Variants in NLRC5 observed in about 807,000 individuals in gnomAD.
NLRC5 encodes NLR family CARD domain containing 5, also known as protein NLRC5.
A neutral mutation model predicts 206.9 loss-of-function variants in NLRC5; 114 were observed. The observed-to-expected ratio is 0.55, with a 90% CI of 0.47 to 0.64. The LOEUF (loss-of-function observed/expected upper bound fraction) is 0.64. NLRC5 is among the 30% of genes least tolerant of loss of function. The probability of loss-of-function intolerance (pLI) is 0.00; values close to 1 mark genes in which losing one functional copy is unlikely to be tolerated. For missense variants in NLRC5, 2,008 were observed against 2,305.5 expected (o/e 0.87, Z 2.64); for synonymous variants, 952 against 962.8 (o/e 0.99, Z 0.21).
chr16:57,000,151 C>T (rs1327189938), intron 1 of NLRC5, among the ~76,000 whole-genome samples: 2 of 152,184 alleles, frequency 1.3e-5, no homozygotes, highest in Non-Finnish European at 2.9e-5. Context: ...TCCTAGCAGC[C>T]TTGCTAGCCA....
chr16:57,061,583 C>T, intron 31 of NLRC5, 35 bp from the exon 32 acceptor site: 1 of 1,608,954 alleles, frequency 6.2e-7, no homozygotes, highest in South Asian at 1.1e-5. Flanking sequence ...GGGCACCCTG[C>T]CAGAGCCACC....
At position 57,082,556 on chromosome 16, in the gene NLRC5, G is replaced by C. The variant is rs773640140; in HGVS notation, c.*28G>C. On this transcript the variant is annotated 3_prime_UTR_variant, in exon 49 of 49. Transcript: ENST00000688547. ...GCCCCCTCAAGACCTTTGGAATCCA[G>C]CCAAGTGATGCACCCAAATGATCCA... 3.4e-6 allele frequency: 5 copies of C among 1,490,826 alleles called. No homozygotes were observed. In the South Asian group the frequency reaches 4.6e-5, roughly 14 times the overall value. 92.3% of individuals were successfully genotyped at this position (1,490,826 alleles called of 1,614,324 possible). A position where few individuals can be genotyped will look rare whatever the true frequency, so the allele number is the denominator to read the frequency against.
chr16:57,018,876 T>C (rs1384136115), intron 2 of NLRC5, among the ~76,000 whole-genome samples: 1 of 152,194 alleles, frequency 6.6e-6, no homozygotes, highest in African/African-American at 2.4e-5. Flanking sequence ...AGTTGGCCAA[T>C]CCCCAACTGT....
intron 1 of NLRC5, among the ~76,000 whole-genome samples, chr16:56,993,502 G>T (rs1171908133): frequency 6.6e-6 from 1 of 152,140 alleles, no homozygotes; most frequent in South Asian, 2.1e-4. Context: ...GATTTGCAAG[G>T]TCAAGGGGAA....
intron 22 of NLRC5, 50 bp downstream of exon 22, chr16:57,046,691 C>G: frequency 6.8e-7 from 1 of 1,475,816 alleles, no homozygotes; most frequent in Non-Finnish European, 9.4e-7. Flanking sequence ...AGGGATGAGG[C>G]GTCAGAGGGG....
Position 57,020,989 on chromosome 16 carries a change from A to G in NLRC5, c.277A>G (p.Thr93Ala), listed in dbSNP as rs770750307. Residue 93 changes from threonine to alanine, a missense_variant, in exon 3 of 49, where the codon ACT becomes GCT. Coordinates refer to ENST00000688547, the MANE Select transcript of NLRC5 (RefSeq NM_001384950.1). ...GGACCTGGAGGTGCTGCTGCTGAGT[A>G]CTTTTGGCTATGATGATGGTAAGGG... ...PLDLEVLLLS[T>A]FGYDDGFTSQ... The G allele has an allele frequency of 1.2e-6, 2 of 1,613,590 alleles. No individual in the cohort carries two copies. The highest frequency in any genetic ancestry group is 2.2e-5 in the South Asian group (2 of 91,070).
Position 57,058,061 on chromosome 16 carries a change from A to G in NLRC5, c.3747-4A>G, listed in dbSNP as rs1206056053. Reference sequence around the variant, plus strand: ...TCCCCGCCACTGCTCCTTACCCCCTACAGTCTCTCAGCAAACCTGCTGGGC... The same window carrying G: ...TCCCCGCCACTGCTCCTTACCCCCTGCAGTCTCTCAGCAAACCTGCTGGGC... On this transcript the variant is annotated splice_polypyrimidine_tract_variant and splice_region_variant and intron_variant, in intron 27 of 48. Coordinates refer to ENST00000688547, the MANE Select transcript of NLRC5 (RefSeq NM_001384950.1). The G allele has an allele frequency of 1.9e-6, 3 of 1,610,970 alleles. No homozygotes were observed. Among genetic ancestry groups the G allele is most frequent in the South Asian group, 1.1e-5 (1 of 90,474 alleles).
rs186070226 is a variant in NLRC5, at chr16:57,053,899, G to A, written c.3507-852G>A. On this transcript the variant is annotated intron_variant, in intron 24 of 48. Coordinates refer to ENST00000688547, the MANE Select transcript of NLRC5 (RefSeq NM_001384950.1). ...TGGATTGGGAGATACGAGTGGAAAT[G>A]AGAGTGGGAAGAGATGTGTGCAGCA... Among the ~76,000 whole-genome samples the A allele has an allele frequency of 1.1e-4, 16 of 152,294 alleles. No homozygotes were observed. In the East Asian group the frequency reaches 3.1e-3, roughly 29 times the overall value.
At chr16:56,989,953 ACT>A (rs1453657389) in intron 1 of NLRC5, among the ~76,000 whole-genome samples, 1 of 152,048 alleles carries the variant, frequency 6.6e-6, no homozygotes, top group Non-Finnish European at 1.5e-5. Context: ...GGATCCACCC[ACT>A]CTCTCTGTCT....
At chr16:57,064,969 C>A (rs1352591588) in intron 32 of NLRC5, among the ~76,000 whole-genome samples, 3 of 151,998 alleles carry the variant, frequency 2.0e-5, no homozygotes, top group Admixed American at 1.3e-4. Flanking sequence ...ATAAAAATAT[C>A]ATTTAAAAAA....
chr16:57,067,266 G>C (rs1782156367), intron 34 of NLRC5, 121 bp from the exon 35 acceptor site: 1 of 807,974 alleles, frequency 1.2e-6, no homozygotes, highest in Middle Eastern at 2.3e-4. Context: ...ATAGCAAACT[G>C]TAGGACTTCA....
rs763391450 is a variant in NLRC5 at position 57,082,442 on chromosome 16, G to A, written c.5515G>A (p.Asp1839Asn). Residue 1839 changes from aspartate to asparagine, a missense_variant, in exon 49 of 49, where the codon GAC becomes AAC. By Grantham distance (23) the Asp-to-Asn change is conservative. Transcript: ENST00000688547. ...CCTCTGGAATAACCCCATTCCCTGCGACATGGCCCAGCACCTGAAGAGCCA... is the reference window on the plus strand; with the variant it reads ...CCTCTGGAATAACCCCATTCCCTGCAACATGGCCCAGCACCTGAAGAGCCA... ...IRLWNNPIPC[D>N]MAQHLKSQEP... 48 of 1,613,252 alleles carry A rather than the reference G, an allele frequency of 3.0e-5. No homozygotes were observed. The highest frequency in any genetic ancestry group is 3.6e-5 in the Non-Finnish European group (43 of 1,179,584).
At chr16:57,008,565 A>G (rs1355579981) in intron 1 of NLRC5, among the ~76,000 whole-genome samples, 2 of 152,240 alleles carry the variant, frequency 1.3e-5, no homozygotes, top group South Asian at 2.1e-4. Flanking sequence ...CAAAGCAGAA[A>G]TTGCACAGGA....
In NLRC5 at chr16:57,064,580, G is replaced by T. The variant is rs537585255; in HGVS notation, c.4155-632G>T. The stretch of plus-strand genomic sequence containing the variant: ...TGGGATCATGTTTTATATACAGTTT[G>T]GTTTCCTTACCTTTGTGATGTAACA... On this transcript the variant is annotated intron_variant, in intron 32 of 48. Coordinates refer to ENST00000688547, the MANE Select transcript of NLRC5 (RefSeq NM_001384950.1). Among the ~76,000 whole-genome samples the T allele has an allele frequency of 1.7e-3, 259 of 152,070 alleles. 1 individual carries two copies. Among genetic ancestry groups the T allele is most frequent in the African/African-American group, 6.0e-3 (250 of 41,474 alleles).
rs1428415228 is a variant in NLRC5 at position 57,028,067 on chromosome 16, G to T, written c.2076-5G>T. The T allele has an allele frequency of 6.2e-7, 1 of 1,611,228 alleles. No homozygotes were observed. Among genetic ancestry groups the T allele is most frequent in the Non-Finnish European group, 8.5e-7 (1 of 1,177,880 alleles). On this transcript the variant is annotated splice_region_variant and splice_polypyrimidine_tract_variant and intron_variant, in intron 6 of 48. Transcript: ENST00000688547. ...CCTCTGACACTTCGCTTCTTCTTAT[G>T]GCAGCTTTAAGAGCAGGAAGTGTGG...
chr16:57,052,029 G>A (rs1443787175), intron 24 of NLRC5, among the ~76,000 whole-genome samples: 6 of 152,198 alleles, frequency 3.9e-5, no homozygotes, highest in South Asian at 2.1e-4. Flanking sequence ...TCACCCACTC[G>A]TAGAAAGGGG....
At position 57,066,633 on chromosome 16, in the gene NLRC5, G is replaced by A. The variant is rs759541293; in HGVS notation, c.4322+19G>A. The A allele has an allele frequency of 6.8e-6, 11 of 1,609,028 alleles. No homozygotes were observed. Among genetic ancestry groups the A allele is most frequent in the South Asian group, 1.1e-5 (1 of 91,008 alleles). On this transcript the variant is annotated intron_variant, in intron 34 of 48. Transcript: ENST00000688547. ...CACTCAGGTGGGACCCAGCACCAGGGACCCCAAGGCAGGGGCTGGTGTTGG... is the reference window on the plus strand; with the variant it reads ...CACTCAGGTGGGACCCAGCACCAGGAACCCCAAGGCAGGGGCTGGTGTTGG...
At chr16:57,075,006 T>A (rs12925233) in intron 39 of NLRC5, among the ~76,000 whole-genome samples, 2 of 10,006 alleles carry the variant, frequency 2.0e-4, no homozygotes, top group Non-Finnish European at 4.5e-4. Context: ...TAGACTGTGC[T>A]TTTTTTTTTT....
intron 23 of NLRC5, among the ~76,000 whole-genome samples, chr16:57,049,007 G>A (rs1013057252): frequency 6.6e-6 from 1 of 152,060 alleles, no homozygotes; most frequent in African/African-American, 2.4e-5. Flanking sequence ...TAGATCAAGG[G>A]TGTCCAATCT....
Sources: gnomAD v4.1 joint callset for allele counts (sites outside exome capture counted in the v4.1 genomes callset) on GRCh38, gnomAD v4.1.1 for gene constraint, MANE v1.5 for transcripts, NCBI Gene and HGNC (gene_info 2026-07-23, HGNC 2026-07-21) for gene names.